The following ENTREP2 variants were observed in gnomAD, a reference collection of about 807,000 sequenced individuals.
ENTREP2 encodes the protein endosomal transmembrane epsin interactor 2, also known as protein ENTREP2.
chr15:29,429,285 G>A, the ENTREP2 span, among the ~76,000 whole-genome samples: 5 of 152,232 alleles, frequency 3.3e-5, no homozygotes, highest in African/African-American at 9.6e-5. Context: ...GCACTGGTGC[G>A]ATCTTGGCTC....
chr15:29,309,317 T>C, the ENTREP2 span, among the ~76,000 whole-genome samples: 5 of 152,200 alleles, frequency 3.3e-5, no homozygotes, highest in African/African-American at 1.2e-4. Flanking sequence ...TGTTGTAGTA[T>C]TGTTACCACT....
At chr15:29,158,828 G>A in the ENTREP2 span, among the ~76,000 whole-genome samples, 1 of 152,030 alleles carries the variant, frequency 6.6e-6, no homozygotes, top group Non-Finnish European at 1.5e-5. Context: ...AGGAAGTTAT[G>A]TATCTAATAA....
chr15:29,293,551 C>T, the ENTREP2 span, among the ~76,000 whole-genome samples: 3 of 152,140 alleles, frequency 2.0e-5, no homozygotes, highest in Non-Finnish European at 2.9e-5. Flanking sequence ...CCACCGCGCC[C>T]GGCCAAATTT....
At chr15:29,333,905 C>T in the ENTREP2 span, among the ~76,000 whole-genome samples, 1 of 151,694 alleles carries the variant, frequency 6.6e-6, no homozygotes, top group African/African-American at 2.4e-5. Flanking sequence ...ACGAGGAGAA[C>T]GCCATGTGAA....
At chr15:29,575,299 A>G in the ENTREP2 span, among the ~76,000 whole-genome samples, 3 of 152,238 alleles carry the variant, frequency 2.0e-5, no homozygotes, top group African/African-American at 4.8e-5. Context: ...TTATCATTCT[A>G]GGCCTCCAAT....
At chr15:29,229,318 T>G in the ENTREP2 span, among the ~76,000 whole-genome samples, 1 of 152,204 alleles carries the variant, frequency 6.6e-6, no homozygotes, top group African/African-American at 2.4e-5. Context: ...ATAGCGTATC[T>G]GGGGACATCA....
At chr15:29,404,589 G>A in the ENTREP2 span, among the ~76,000 whole-genome samples, 3 of 151,540 alleles carry the variant, frequency 2.0e-5, no homozygotes, top group East Asian at 3.9e-4. Flanking sequence ...CCAGCTGCTC[G>A]TTAGTAAGGG....
chr15:29,223,521 G>A, the ENTREP2 span, among the ~76,000 whole-genome samples: 4 of 152,176 alleles, frequency 2.6e-5, no homozygotes, highest in African/African-American at 9.7e-5. Flanking sequence ...ACACATACAT[G>A]GGTTGACTCA....
chr15:29,370,981 T>G, the ENTREP2 span, among the ~76,000 whole-genome samples: 1 of 152,170 alleles, frequency 6.6e-6, no homozygotes, highest in Non-Finnish European at 1.5e-5. Context: ...GTCGCTAGTT[T>G]TCAGCATTTA....
At chr15:29,634,913 C>T in the ENTREP2 span, among the ~76,000 whole-genome samples, 1 of 152,066 alleles carries the variant, frequency 6.6e-6, no homozygotes. Flanking sequence ...CCAGGGACCA[C>T]CCTCCAAGAA....
the ENTREP2 span, among the ~76,000 whole-genome samples, chr15:29,209,060 C>T: frequency 4.6e-5 from 7 of 152,210 alleles, no homozygotes; most frequent in East Asian, 7.7e-4. Context: ...GCGGGGCTCC[C>T]GGGGATGCTG....
the ENTREP2 span, among the ~76,000 whole-genome samples, chr15:29,659,667 TA>T: frequency 6.6e-6 from 1 of 152,194 alleles, no homozygotes; most frequent in Non-Finnish European, 1.5e-5. Flanking sequence ...TAGCATTGTG[TA>T]AATTGAACCA....
chr15:29,653,539 G>C, the ENTREP2 span, among the ~76,000 whole-genome samples: 1 of 152,212 alleles, frequency 6.6e-6, no homozygotes, highest in Non-Finnish European at 1.5e-5. Flanking sequence ...TAGTGAGTGA[G>C]ATGTCATGAG....
chr15:29,671,204 G>A, the ENTREP2 span, among the ~76,000 whole-genome samples: 2 of 152,186 alleles, frequency 1.3e-5, no homozygotes, highest in African/African-American at 4.8e-5. Context: ...GACTCCATGC[G>A]GACAGAACCT....
At chr15:29,359,414 C>A in the ENTREP2 span, among the ~76,000 whole-genome samples, 1 of 151,948 alleles carries the variant, frequency 6.6e-6, no homozygotes, top group South Asian at 2.1e-4. Flanking sequence ...TTTAAAACTT[C>A]TTTTTTTCTG....
the ENTREP2 span, among the ~76,000 whole-genome samples, chr15:29,555,035 T>G: frequency 6.6e-6 from 1 of 152,190 alleles, no homozygotes; most frequent in Non-Finnish European, 1.5e-5. Flanking sequence ...ATGAGCTATA[T>G]CCACTGACAA....
chr15:29,408,745 AT>A, the ENTREP2 span, among the ~76,000 whole-genome samples: 3 of 152,076 alleles, frequency 2.0e-5, no homozygotes, highest in Admixed American at 2.0e-4. Context: ...GCCTTTGATG[AT>A]TTTTAAACTT....
chr15:29,219,055 T>C, the ENTREP2 span, among the ~76,000 whole-genome samples: 1 of 151,692 alleles, frequency 6.6e-6, no homozygotes, highest in Non-Finnish European at 1.5e-5. Flanking sequence ...TCACAATCTA[T>C]ACATCTGACA....
the ENTREP2 span, among the ~76,000 whole-genome samples, chr15:29,118,949 C>A: frequency 1.3e-5 from 2 of 152,188 alleles, no homozygotes; most frequent in Non-Finnish European, 2.9e-5. Flanking sequence ...TCCTCTCTGG[C>A]CTGCCCACAG....
Sources: gnomAD v4.1 joint callset for allele counts (sites outside exome capture counted in the v4.1 genomes callset) on GRCh38, gnomAD v4.1.1 for gene constraint, MANE v1.5 for transcripts, NCBI Gene and HGNC (gene_info 2026-07-23, HGNC 2026-07-21) for gene names.